Variants in EP400 observed in about 807,000 individuals in gnomAD.
EP400 encodes the protein E1A-binding protein p400.
Under a neutral mutation model 354.1 loss-of-function variants are expected in EP400, and 105 were observed. That is an observed-to-expected ratio of 0.30 (90% CI 0.25 to 0.35). The LOEUF is 0.35. Ranked by LOEUF, EP400 falls within the 10% of genes least tolerant of loss-of-function variation. EP400 has a pLI of 1.00. For missense variants in EP400, 3,280 were observed against 4,121.0 expected (o/e 0.80, Z 5.59); for synonymous variants, 1,646 against 1,716.9 (o/e 0.96, Z 1.02).
At position 132,027,567 on chromosome 12, in the gene EP400, A is replaced by AC; in HGVS notation, c.5109+37dup. 1 of 1,547,066 alleles carries AC rather than the reference A, an allele frequency of 6.5e-7. No homozygotes were observed. The highest frequency in any genetic ancestry group is 1.9e-5 in the Admixed American group (1 of 52,656). ...GAGCTTGAGACCCCGGTGCACGTGGACAGGTAGCTTTCCAAGAGCTGCTCG... is the reference window on the plus strand; with the variant it reads ...GAGCTTGAGACCCCGGTGCACGTGGACCAGGTAGCTTTCCAAGAGCTGCTCG... On this transcript the variant is annotated intron_variant, in intron 26 of 52. Transcript: ENST00000389561. This position sits in a 1 kb window ranked among gnomAD's most constrained non-coding sequence, Gnocchi z 4.9.
rs750396319 is a variant in EP400, at chr12:131,951,065, A to ATTT, written c.-36+1051_-36+1053dup. On this transcript the variant is annotated intron_variant, in intron 1 of 52. Transcript: ENST00000389561. ...CAGGCGCCTGCCACCACGCCTGGCT[A>ATTT]TTTTTTTTTTTTTTTTTTTTTTTTG... Among the ~76,000 whole-genome samples the ATTT allele has an allele frequency of 4.6e-3, 478 of 104,116 alleles. 7 individuals are homozygous for ATTT. The South Asian group carries it at 0.055, about 12-fold the overall frequency. The allele number at this position is 104,116 out of a possible 152,430, so 68.3% of individuals were successfully genotyped here. A position where few individuals can be genotyped will look rare whatever the true frequency, so the allele number is the denominator to read the frequency against.
Position 131,994,421 on chromosome 12 carries a change from G to A in EP400, c.2738-446G>A, listed in dbSNP as rs947198835. On this transcript the variant is annotated intron_variant, in intron 11 of 52. Coordinates refer to ENST00000389561, the MANE Select transcript of EP400 (RefSeq NM_015409.5). This position sits in a 1 kb window ranked among gnomAD's most constrained non-coding sequence, Gnocchi z 4.6. ...ATGGCGAGTGAGGCGTGAGGTTCAGGGCTGGAGGGCTGAAGAGAGCGGAGT... is the reference window on the plus strand; with the variant it reads ...ATGGCGAGTGAGGCGTGAGGTTCAGAGCTGGAGGGCTGAAGAGAGCGGAGT... Among the ~76,000 whole-genome samples, 10 of 152,144 alleles carry A rather than the reference G, an allele frequency of 6.6e-5. No individual in the cohort carries two copies. The highest frequency in any genetic ancestry group is 6.5e-4 in the Admixed American group (10 of 15,278).
In EP400 at chr12:132,006,227, C is replaced by T. The variant is rs145933498; in HGVS notation, c.3051C>T (p.Asn1017=). The T allele has an allele frequency of 1.9e-5, 30 of 1,614,086 alleles. No individual in the cohort carries two copies. In the East Asian group the frequency reaches 2.2e-4, roughly 12 times the overall value. ...AAERMNIGKP[N]AKDIADVTAV... ...AGAGGATGAATATCGGGAAGCCAAA[C>T]GCCAAGGACATTGCGGACGTCACTG... Residue 1017 remains asparagine (N), a synonymous_variant, in exon 14 of 53, where the codon AAC becomes AAT. Transcript: ENST00000389561.
At chr12:131,954,736 A>C (rs1005159158) in intron 1 of EP400, among the ~76,000 whole-genome samples, 2 of 150,662 alleles carry the variant, frequency 1.3e-5, no homozygotes, top group African/African-American at 4.9e-5. Flanking sequence ...GAAAAAAAAA[A>C]AAAAAAAAAA....
intron 1 of EP400, among the ~76,000 whole-genome samples, chr12:131,951,453 C>CT (rs1891490508): frequency 6.6e-6 from 1 of 152,094 alleles, no homozygotes; most frequent in African/African-American, 2.4e-5. Flanking sequence ...AGTGCTGGGA[C>CT]TGTAGGCGTG....
chr12:132,046,268 C>T (rs562575471), intron 39 of EP400, among the ~76,000 whole-genome samples: 2 of 152,116 alleles, frequency 1.3e-5, no homozygotes, highest in Non-Finnish European at 2.9e-5. Flanking sequence ...TTTTCAAGAA[C>T]GTTTTGGATG....
At chr12:131,989,055 A>G (rs190740860) in intron 7 of EP400, among the ~76,000 whole-genome samples, 1 of 152,342 alleles carries the variant, frequency 6.6e-6, no homozygotes, top group African/African-American at 2.4e-5. Context: ...CATGGTGGAC[A>G]CCAGGCTGGA....
Position 132,011,639 on chromosome 12 carries a change from T to A in EP400, c.3441+5T>A, listed in dbSNP as rs2096512591. ...GAACTCAAAGCAAAGAGACAGGTAT[T>A]TTTTTTTTAAACATAAAATAAAGCT... On this transcript the variant is annotated splice_donor_5th_base_variant and intron_variant, in intron 16 of 52. Coordinates refer to ENST00000389561, the MANE Select transcript of EP400 (RefSeq NM_015409.5). 6.3e-7 allele frequency: 1 copy of A among 1,583,538 alleles called. No homozygotes were observed. Among genetic ancestry groups the A allele is most frequent in the East Asian group, 2.2e-5 (1 of 44,638 alleles).
At chr12:132,028,774 C>T (rs1894389857) in intron 27 of EP400, among the ~76,000 whole-genome samples, 1 of 152,148 alleles carries the variant, frequency 6.6e-6, no homozygotes, top group African/African-American at 2.4e-5. Flanking sequence ...GAGTGCGTTA[C>T]CCTGTTTGCA....
chr12:132,038,170 T>C lies in EP400; in HGVS notation c.6207+74T>C. Reference sequence around the variant, plus strand: ...GGAACACCTGCACCCTCCCCCAGGGTTCTGGGTGCTCAGTCCCCACTCTTC... The same window carrying C: ...GGAACACCTGCACCCTCCCCCAGGGCTCTGGGTGCTCAGTCCCCACTCTTC... On this transcript the variant is annotated intron_variant, in intron 32 of 52. Coordinates refer to ENST00000389561, the MANE Select transcript of EP400 (RefSeq NM_015409.5). This position sits in a 1 kb window ranked among gnomAD's most constrained non-coding sequence, Gnocchi z 4.2. 1.3e-6 allele frequency: 2 copies of C among 1,582,338 alleles called. No individual in the cohort carries two copies. The highest frequency in any genetic ancestry group is 1.7e-6 in the Non-Finnish European group (2 of 1,160,636).
rs1896008641 is a variant in EP400 at position 132,069,558 on chromosome 12, G to T, written c.8938G>T (p.Ala2980Ser). Residue 2980 changes from alanine (A) to serine (S), a missense_variant, in exon 51 of 53, where the codon GCC becomes TCC. Physicochemically the swap from Ala to Ser is moderately conservative, Grantham distance 99 (BLOSUM62 1). Around this residue, in one of 20 missense-constraint regions of EP400, gnomAD observed 279 missense variants for 386.7 expected, o/e 0.72. Transcript: ENST00000389561. ...QQKVAYAAQPALKTQFLTTPI... is the reference protein window; with the variant it reads ...QQKVAYAAQPSLKTQFLTTPI... ...GAAGGTTGCCTACGCCGCGCAGCCG[G>T]CCCTTAAGACCCAGTTTCTTACCAC... The T allele has an allele frequency of 6.2e-7, 1 of 1,614,096 alleles. No individual in the cohort carries two copies. Among genetic ancestry groups the T allele is most frequent in the Non-Finnish European group, 8.5e-7 (1 of 1,180,034 alleles).
chr12:132,024,842 A>C (rs1474935622), intron 24 of EP400, among the ~76,000 whole-genome samples: 28 of 40,126 alleles, frequency 7.0e-4, no homozygotes, highest in East Asian at 1.2e-3. Context: ...ACCTTCCCCC[A>C]CCTTCCCTCA....
intron 13 of EP400, 49 bp from the exon 14 acceptor site, chr12:132,006,063 A>G: frequency 6.5e-7 from 1 of 1,546,132 alleles, no homozygotes; most frequent in Non-Finnish European, 8.8e-7. Flanking sequence ...GTTTAGATTT[A>G]TAAAGCCTTC....
In EP400 at chr12:132,018,398, C is replaced by T. The variant is rs771891746; in HGVS notation, c.4277+22C>T. The T allele has an allele frequency of 1.2e-5, 19 of 1,575,658 alleles. No individual in the cohort carries two copies. The highest frequency in any genetic ancestry group is 1.8e-4 in the Middle Eastern group (1 of 5,710). On this transcript the variant is annotated intron_variant, in intron 21 of 52. Coordinates refer to ENST00000389561, the MANE Select transcript of EP400 (RefSeq NM_015409.5). This position sits in a 1 kb window ranked among gnomAD's most constrained non-coding sequence, Gnocchi z 4.0. ...GCAGGTGCGTGCGACCCAGAGGCAG[C>T]GGGGAGGGTTGGCTCCCAGGGCCCC...
chr12:132,032,052 G>A lies in EP400; in HGVS notation c.5854G>A (p.Val1952Ile), dbSNP rs753626865. 1.7e-5 allele frequency: 27 copies of A among 1,614,070 alleles called. No individual in the cohort carries two copies. The highest frequency in any genetic ancestry group is 1.6e-4 in the Middle Eastern group (1 of 6,084). Residue 1952 changes from valine (V) to isoleucine (I), a missense_variant, in exon 30 of 53, where the codon GTC becomes ATC. Val to Ile is a conservative substitution (Grantham distance 29, BLOSUM62 3). Transcript: ENST00000389561. ...TGINLVEADT[V>I]VFYDNDLNPV... ...TATAAACCTTGTAGAGGCGGACACCGTCGTGTTTTATGACAATGACCTGAA... is the reference window on the plus strand; with the variant it reads ...TATAAACCTTGTAGAGGCGGACACCATCGTGTTTTATGACAATGACCTGAA...
Position 132,038,168 on chromosome 12 carries a change from G to A in EP400, c.6207+72G>A, listed in dbSNP as rs1894778033. 1 of 1,586,770 alleles carries A rather than the reference G, an allele frequency of 6.3e-7. No homozygotes were observed. The highest frequency in any genetic ancestry group is 1.7e-5 in the Admixed American group (1 of 58,432). ...GCGGAACACCTGCACCCTCCCCCAG[G>A]GTTCTGGGTGCTCAGTCCCCACTCT... is the stretch of plus-strand genomic sequence containing the variant. On this transcript the variant is annotated intron_variant, in intron 32 of 52. Coordinates refer to ENST00000389561, the MANE Select transcript of EP400 (RefSeq NM_015409.5). The surrounding 1 kb of genome is among the most constrained non-coding windows in gnomAD (Gnocchi z 4.2).
intron 39 of EP400, among the ~76,000 whole-genome samples, chr12:132,048,607 C>G (rs1895192908): frequency 6.6e-6 from 1 of 150,688 alleles, no homozygotes; most frequent in South Asian, 2.1e-4. Context: ...ACTGCAACCT[C>G]TGCCTCTCAG....
At position 131,972,202 on chromosome 12, in the gene EP400, G is replaced by T. The variant is rs191294767; in HGVS notation, c.1336-7492G>T. On this transcript the variant is annotated intron_variant, in intron 2 of 52. Coordinates refer to ENST00000389561, the MANE Select transcript of EP400 (RefSeq NM_015409.5). ...GAGTCTCGCTCTGTCGCCCAGGCTGGAGTGCAGTGGCGCGATCTCGGTTCA... is the reference window on the plus strand; with the variant it reads ...GAGTCTCGCTCTGTCGCCCAGGCTGTAGTGCAGTGGCGCGATCTCGGTTCA... 3.0e-4 allele frequency among the ~76,000 whole-genome samples: 46 copies of T among 151,454 alleles called. 1 individual carries two copies. The East Asian group carries it at 5.6e-3, about 19-fold the overall frequency.
chr12:131,950,239 C>G (rs1224868511), intron 1 of EP400, among the ~76,000 whole-genome samples: 1 of 151,994 alleles, frequency 6.6e-6, no homozygotes. Flanking sequence ...GGGCCCGGGT[C>G]TTTCGAGTCG....
Sources: gnomAD v4.1 joint callset for allele counts (sites outside exome capture counted in the v4.1 genomes callset) on GRCh38, gnomAD v4.1.1 for gene constraint, gnomAD v4.1.1 regional missense constraint, Gnocchi (gnomAD v3.1) non-coding constraint, MANE v1.5 for transcripts, NCBI Gene and HGNC (gene_info 2026-07-23, HGNC 2026-07-21) for gene names.